The following TMEM131L variants were observed in gnomAD, a reference collection of about 807,000 sequenced individuals.
The protein encoded by TMEM131L is transmembrane protein 131-like.
In TMEM131L, 54 loss-of-function variants were observed where a neutral mutation model predicts 192.2. That is an observed-to-expected ratio of 0.28 (90% CI 0.23 to 0.35). The LOEUF (loss-of-function observed/expected upper bound fraction) is 0.35, where lower values mean the gene tolerates loss of function less well. Ranked by LOEUF, TMEM131L falls within the 10% of genes least tolerant of loss-of-function variation. The pLI, the probability that TMEM131L is intolerant of heterozygous loss-of-function variation, is 1.00. For missense variants in TMEM131L, 1,888 were observed against 1,972.9 expected, an observed-to-expected ratio of 0.96 and a Z score of 0.82; for synonymous variants, 701 against 704.9, an observed-to-expected ratio of 0.99 and a Z score of 0.09.
chr4:153,497,685 C>T (rs952294359), intron 3 of TMEM131L, among the ~76,000 whole-genome samples: 4 of 152,012 alleles, frequency 2.6e-5, no homozygotes, highest in Non-Finnish European at 5.9e-5. Flanking sequence ...GCTGCTTTAC[C>T]CTGTTCTGGA....
chr4:153,528,011 G>A lies in TMEM131L; in HGVS notation c.240-22062G>A, dbSNP rs567037918. ...TGCAGCCATACCATTAACTGAGCAG[G>A]TTCTTTTCCTCACCGTCTGGTCTGA... is the stretch of plus-strand genomic sequence containing the variant. On this transcript the variant is annotated intron_variant, in intron 3 of 34. Coordinates refer to ENST00000409959, the MANE Select transcript of TMEM131L (RefSeq NM_001131007.2). Among the ~76,000 whole-genome samples the A allele has an allele frequency of 7.9e-5, 12 of 152,308 alleles. No individual in the cohort carries two copies. The South Asian group carries it at 2.5e-3, about 32-fold the overall frequency.
intron 7 of TMEM131L, 146 bp from the exon 8 acceptor site, chr4:153,580,680 A>C (rs1041579517): frequency 1.7e-6 from 1 of 578,148 alleles, no homozygotes; most frequent in Admixed American, 3.0e-5. Context: ...CACTAAAAAG[A>C]ATAATGCCCA....
rs925387005 is a variant in TMEM131L at position 153,612,427 on chromosome 4, A to G, written c.3567+27A>G. The stretch of plus-strand genomic sequence containing the variant: ...TCTGTATTTTTTTTCTTGCCTATTA[A>G]AAACAAAATCCATTTTTAGGACTGT... On this transcript the variant is annotated intron_variant, in intron 26 of 34. Coordinates refer to ENST00000409959, the MANE Select transcript of TMEM131L (RefSeq NM_001131007.2). 2.6e-6 allele frequency: 4 copies of G among 1,555,330 alleles called. No homozygotes were observed. The African/African-American group carries it at 5.5e-5, about 22-fold the overall frequency.
At chr4:153,533,943 T>G (rs1344438042) in intron 3 of TMEM131L, among the ~76,000 whole-genome samples, 1 of 152,254 alleles carries the variant, frequency 6.6e-6, no homozygotes, top group East Asian at 1.9e-4. Context: ...TTTTTAAAAG[T>G]ATTCTATACA....
At chr4:153,542,871 G>T (rs929478222) in intron 3 of TMEM131L, among the ~76,000 whole-genome samples, 1 of 152,200 alleles carries the variant, frequency 6.6e-6, no homozygotes, top group Non-Finnish European at 1.5e-5. Context: ...GCAACTGTGG[G>T]GTTAGTCTGA....
At chr4:153,499,195 A>T (rs1733408437) in intron 3 of TMEM131L, among the ~76,000 whole-genome samples, 1 of 152,182 alleles carries the variant, frequency 6.6e-6, no homozygotes, top group South Asian at 2.1e-4. Context: ...GCGCCTTGTA[A>T]CTTGTGAGCA....
intron 11 of TMEM131L, 140 bp downstream of exon 11, chr4:153,583,812 T>C: frequency 1.6e-6 from 1 of 621,256 alleles, no homozygotes; most frequent in Middle Eastern, 4.3e-4. Context: ...CCAGCCTTAG[T>C]AGTTCTAAGA....
chr4:153,575,992 C>T (rs1452071577), intron 7 of TMEM131L, among the ~76,000 whole-genome samples: 2 of 151,406 alleles, frequency 1.3e-5, no homozygotes, highest in Non-Finnish European at 2.9e-5. Flanking sequence ...TGAAGTCTCA[C>T]GCTGTTGCCC....
intron 3 of TMEM131L, among the ~76,000 whole-genome samples, chr4:153,486,052 G>A (rs953936516): frequency 7.2e-5 from 11 of 152,238 alleles, no homozygotes; most frequent in African/African-American, 2.4e-4. Flanking sequence ...CCAATTAGAT[G>A]TACAGCTGTC....
Position 153,602,735 on chromosome 4 carries a change from A to G in TMEM131L, c.2639+8A>G. 1 of 1,613,254 alleles carries G rather than the reference A, an allele frequency of 6.2e-7. No individual in the cohort carries two copies. The highest frequency in any genetic ancestry group is 1.7e-5 in the Admixed American group (1 of 59,886). On this transcript the variant is annotated splice_region_variant and intron_variant, in intron 23 of 34. Coordinates refer to ENST00000409959, the MANE Select transcript of TMEM131L (RefSeq NM_001131007.2). ...CACGGTCTTCTTTGTCAGGTAAACC[A>G]CTACTGTCTCCCTTGTTCTCTCACT...
intron 3 of TMEM131L, among the ~76,000 whole-genome samples, chr4:153,499,893 C>T (rs550024770): frequency 6.6e-6 from 1 of 152,166 alleles, no homozygotes; most frequent in Admixed American, 6.5e-5. Context: ...ACCGTCAGAT[C>T]CCAGTCTCAC....
At chr4:153,572,355 A>C (rs936736885) in intron 7 of TMEM131L, among the ~76,000 whole-genome samples, 4 of 151,886 alleles carry the variant, frequency 2.6e-5, no homozygotes, top group Non-Finnish European at 4.4e-5. Context: ...TTTGAGACAG[A>C]GTTTCGCTCT....
chr4:153,466,491 T>G lies in TMEM131L; in HGVS notation c.94T>G (p.Cys32Gly). 1 of 1,410,294 alleles carries G rather than the reference T, an allele frequency of 7.1e-7. No homozygotes were observed. The highest frequency in any genetic ancestry group is 9.3e-7 in the Non-Finnish European group (1 of 1,072,912). 87.4% of individuals were successfully genotyped at this position (1,410,294 alleles called of 1,614,324 possible). A position where few individuals can be genotyped will look rare whatever the true frequency, so the allele number is the denominator to read the frequency against. Residue 32 changes from cysteine (C) to glycine (G), a missense_variant, in exon 1 of 35, where the codon TGC becomes GGC. Transcript: ENST00000409959. ...LLGVFQVLLP[C>G]CRPGGAQGQA... Reference sequence around the variant, plus strand: ...GGGCGTCTTCCAGGTCCTGCTGCCCTGCTGTCGCCCGGGAGGGGCTCAGGG... The same window carrying G: ...GGGCGTCTTCCAGGTCCTGCTGCCCGGCTGTCGCCCGGGAGGGGCTCAGGG...
chr4:153,546,187 G>A (rs1313287531), intron 3 of TMEM131L, among the ~76,000 whole-genome samples: 1 of 151,206 alleles, frequency 6.6e-6, no homozygotes, highest in African/African-American at 2.4e-5. Flanking sequence ...CACTGCACCC[G>A]GTCCATTTTT....
At chr4:153,629,483 C>G (rs540836985) in intron 31 of TMEM131L, among the ~76,000 whole-genome samples, 1 of 152,192 alleles carries the variant, frequency 6.6e-6, no homozygotes, top group Non-Finnish European at 1.5e-5. Flanking sequence ...ATAATACTTC[C>G]CGTCATTAAA....
chr4:153,566,553 C>G (rs113859220), intron 7 of TMEM131L, among the ~76,000 whole-genome samples: 1 of 131,940 alleles, frequency 7.6e-6, no homozygotes, highest in Non-Finnish European at 1.7e-5. Flanking sequence ...GTGTGTGTGT[C>G]TCAACATAGT....
At chr4:153,541,097 A>G (rs1223881886) in intron 3 of TMEM131L, among the ~76,000 whole-genome samples, 2 of 152,230 alleles carry the variant, frequency 1.3e-5, no homozygotes, top group Non-Finnish European at 2.9e-5. Flanking sequence ...GCGTCTAGGA[A>G]AGATGTCAAA....
intron 2 of TMEM131L, among the ~76,000 whole-genome samples, chr4:153,467,865 G>C (rs1405953467): frequency 1.3e-5 from 2 of 152,166 alleles, no homozygotes; most frequent in Non-Finnish European, 2.9e-5. Context: ...TTGGGAATCT[G>C]TAGCATCATA....
intron 2 of TMEM131L, among the ~76,000 whole-genome samples, chr4:153,469,347 ATG>A (rs1730994221): frequency 6.6e-6 from 1 of 150,592 alleles, no homozygotes; most frequent in Admixed American, 6.6e-5. Context: ...ACACGTGTGT[ATG>A]TGTGTGTATA....
Sources: allele counts gnomAD v4.1 joint callset (sites outside exome capture counted in the v4.1 genomes callset), GRCh38; gene constraint gnomAD v4.1.1; transcripts MANE v1.5; gene names NCBI Gene and HGNC (gene_info 2026-07-23, HGNC 2026-07-21).